GREB1: variants seen among roughly 807,000 people sequenced by gnomAD.
The protein encoded by GREB1 is growth regulating estrogen receptor binding 1.
In GREB1, 106 loss-of-function variants were observed where a neutral mutation model predicts 200.7. The observed-to-expected ratio is 0.53, with a 90% confidence interval of 0.45 to 0.62. The LOEUF (loss-of-function observed/expected upper bound fraction) is 0.62. Ranked by LOEUF, GREB1 falls within the 20% of genes least tolerant of loss-of-function variation. The pLI is 0.00. For missense variants in GREB1, 2,243 were observed against 2,556.8 expected (o/e 0.88, Z 2.65); for synonymous variants, 1,132 against 1,092.4 (o/e 1.04, Z -0.72).
chr2:11,576,602 G>A (rs1678881952), intron 5 of GREB1, 67 bp downstream of exon 5: 8 of 1,256,236 alleles, frequency 6.4e-6, no homozygotes, highest in South Asian at 1.3e-5. Context: ...GGTGCCTGTC[G>A]GTGTGATGCT....
At chr2:11,521,932 C>T (rs182935216) in intron 1 of GREB1, among the ~76,000 whole-genome samples, 68 of 152,278 alleles carry the variant, frequency 4.5e-4, no homozygotes, top group Admixed American at 4.4e-3. Flanking sequence ...TGTCCTGCAG[C>T]GATCTGTGGT....
chr2:11,537,308 CA>C (rs1674338758), intron 1 of GREB1, among the ~76,000 whole-genome samples: 1 of 152,122 alleles, frequency 6.6e-6, no homozygotes, highest in African/African-American at 2.4e-5. Flanking sequence ...TATTTATTCA[CA>C]GGTGGCAAGC....
Position 11,607,595 on chromosome 2 carries a change from T to C in GREB1, c.2667-3093T>C, listed in dbSNP as rs142970840. On this transcript the variant is annotated intron_variant, in intron 17 of 32. Coordinates refer to ENST00000381486, the MANE Select transcript of GREB1 (RefSeq NM_014668.4). ...ATATACACATATATACATATATACA[T>C]ATATATACATATATACACATATATG... Among the ~76,000 whole-genome samples, 585 of 135,722 alleles carry C rather than the reference T, an allele frequency of 4.3e-3. 3 individuals are homozygous for C. The highest frequency in any genetic ancestry group is 0.015 in the African/African-American group (500 of 32,708). 89.0% of individuals were successfully genotyped at this position (135,722 alleles called of 152,430 possible).
At chr2:11,585,394 A>T in intron 8 of GREB1, 120 bp downstream of exon 8, 1 of 644,096 alleles carries the variant, frequency 1.6e-6, no homozygotes, top group Non-Finnish European at 2.7e-6. Context: ...GTGTGTACTG[A>T]TGAGGGAGTT....
intron 1 of GREB1, among the ~76,000 whole-genome samples, chr2:11,512,247 A>T (rs1016824991): frequency 6.6e-6 from 1 of 152,226 alleles, no homozygotes; most frequent in African/African-American, 2.4e-5. Context: ...TAAAAAGTTG[A>T]CCACTAGCTC....
intron 5 of GREB1, among the ~76,000 whole-genome samples, chr2:11,577,036 A>G (rs1358859006): frequency 1.3e-5 from 2 of 151,820 alleles, no homozygotes; most frequent in African/African-American, 4.8e-5. Flanking sequence ...CTCCATCTCA[A>G]AACAAACAAA....
rs567446674 is a variant in GREB1, at chr2:11,487,172, C to G, written c.-159+4791C>G. Among the ~76,000 whole-genome samples the G allele has an allele frequency of 2.3e-3, 355 of 152,246 alleles. 6 individuals are homozygous for G. Among genetic ancestry groups the G allele is most frequent in the Non-Finnish European group, 7.2e-4 (49 of 68,030 alleles). ...TAGTGGATGCTTGAGCTTTGCCTAT[C>G]ATTTGTACTTTTAATGTTCTAATTT... On this transcript the variant is annotated intron_variant, in intron 1 of 2. Coordinates refer to the GREB1 transcript ENST00000628795.
intron 10 of GREB1, 68 bp downstream of exon 10, chr2:11,588,999 G>C (rs750767918): frequency 1.6e-6 from 2 of 1,267,426 alleles, no homozygotes; most frequent in Admixed American, 1.7e-5. Context: ...ACCTGGCCTC[G>C]GCCCTCGTGG....
rs1185072044 is a variant in GREB1, at chr2:11,640,124, G to A, written c.5687-167G>A. ...CACATCCCAGCCACACTCCTGTCTC[G>A]CTAAGATTGTACATCATCCCGAAAG... On this transcript the variant is annotated intron_variant, in intron 32 of 32. Coordinates refer to ENST00000381486, the MANE Select transcript of GREB1 (RefSeq NM_014668.4). This position sits in a 1 kb window ranked among gnomAD's most constrained non-coding sequence, Gnocchi z 4.6. 6.6e-6 allele frequency among the ~76,000 whole-genome samples: 1 copy of A among 152,128 alleles called. No homozygotes were observed. Among genetic ancestry groups the A allele is most frequent in the Non-Finnish European group, 1.5e-5 (1 of 68,034 alleles).
intron 18 of GREB1, chr2:11,612,266 G>C: frequency 2.5e-6 from 3 of 1,201,950 alleles, no homozygotes; most frequent in Non-Finnish European, 3.1e-6. Flanking sequence ...TCAGCTGATA[G>C]AGATGTCTTG....
intron 17 of GREB1, 62 bp downstream of exon 17, chr2:11,602,604 C>A (rs1022150008): frequency 1.4e-6 from 2 of 1,454,154 alleles, no homozygotes; most frequent in Non-Finnish European, 9.6e-7. Flanking sequence ...AGTTGAGGTG[C>A]GTTTAGCCAG....
chr2:11,630,250 G>C, intron 26 of GREB1, 141 bp downstream of exon 26: 1 of 705,164 alleles, frequency 1.4e-6, no homozygotes, highest in South Asian at 2.0e-5. Flanking sequence ...TGTCGCGCAC[G>C]GGCTCTGGAG....
At chr2:11,636,749 TGGGCAG>T (rs1464661332) in intron 30 of GREB1, among the ~76,000 whole-genome samples, 2 of 73,548 alleles carry the variant, frequency 2.7e-5, no homozygotes, top group African/African-American at 4.4e-5. Flanking sequence ...GGCATGGGCA[TGGGCAG>T]GGGCAAGGGC....
intron 1 of GREB1, among the ~76,000 whole-genome samples, chr2:11,545,036 A>C (rs1363967728): frequency 6.6e-6 from 1 of 151,646 alleles, no homozygotes; most frequent in African/African-American, 2.4e-5. Flanking sequence ...GCTGGTCTCG[A>C]ACTCCTGACC....
At position 11,587,741 on chromosome 2, in the gene GREB1, A is replaced by ACACG; in HGVS notation, c.1160-1004_1160-1003insACGC. On this transcript the variant is annotated intron_variant, in intron 9 of 32. Coordinates refer to ENST00000381486, the MANE Select transcript of GREB1 (RefSeq NM_014668.4). ...CACACACACACACACACACACACAC[A>ACACG]CGCCACCTTTGGGAGCTCAGCAGCC... 4.6e-5 allele frequency: 36 copies of ACACG among 788,312 alleles called. No homozygotes were observed. In the African/African-American group the frequency reaches 6.0e-4, roughly 13 times the overall value. 48.8% of individuals were successfully genotyped at this position (788,312 alleles called of 1,614,324 possible). A position where few individuals can be genotyped will look rare whatever the true frequency, so the allele number is the denominator to read the frequency against.
At chr2:11,627,270 G>A (rs1445024451) in intron 25 of GREB1, among the ~76,000 whole-genome samples, 166 bp downstream of exon 25, 1 of 152,208 alleles carries the variant, frequency 6.6e-6, no homozygotes, top group Non-Finnish European at 1.5e-5. Flanking sequence ...TGAAATGATT[G>A]CTGGAACTAG....
intron 1 of GREB1, among the ~76,000 whole-genome samples, chr2:11,495,614 T>C (rs2148413548): frequency 6.6e-6 from 1 of 152,236 alleles, no homozygotes; most frequent in East Asian, 1.9e-4. Flanking sequence ...ATGGGATTTT[T>C]ATTATCCTCG....
chr2:11,582,274 C>A (rs959065431), intron 7 of GREB1, among the ~76,000 whole-genome samples: 1 of 152,222 alleles, frequency 6.6e-6, no homozygotes, highest in African/African-American at 2.4e-5. Flanking sequence ...ACTGTATTTT[C>A]CTTGCCATGC....
chr2:11,525,126 A>G (rs534935401), intron 1 of GREB1, among the ~76,000 whole-genome samples: 2 of 152,182 alleles, frequency 1.3e-5, no homozygotes, highest in Admixed American at 1.3e-4. Context: ...CATGCAGCCA[A>G]ATATGATTAT....
Sources: allele counts gnomAD v4.1 joint callset (sites outside exome capture counted in the v4.1 genomes callset), GRCh38; gene constraint gnomAD v4.1.1; non-coding constraint Gnocchi (gnomAD v3.1); transcripts MANE v1.5; gene names NCBI Gene and HGNC (gene_info 2026-07-23, HGNC 2026-07-21).